MYO16: variants seen among roughly 807,000 people sequenced by gnomAD.
MYO16 encodes the protein myosin XVI.
Under a neutral mutation model 205.3 loss-of-function variants are expected in MYO16, and 94 were observed. That is an observed-to-expected ratio of 0.46 (90% CI 0.39 to 0.54). The LOEUF (loss-of-function observed/expected upper bound fraction) is 0.54. Ranked by LOEUF, MYO16 falls within the 20% of genes least tolerant of loss-of-function variation. The probability of loss-of-function intolerance (pLI) is 0.00; values close to 1 mark genes in which losing one functional copy is unlikely to be tolerated. For synonymous variants in MYO16, 988 were observed against 954.0 expected (o/e 1.04, Z -0.66); for missense variants, 2,315 against 2,387.5 (o/e 0.97, Z 0.63).
At chr13:109,024,566 A>G (rs969306370) in intron 23 of MYO16, among the ~76,000 whole-genome samples, 2 of 152,150 alleles carry the variant, frequency 1.3e-5, no homozygotes, top group African/African-American at 2.4e-5. Context: ...GTTTAAGTCA[A>G]TGTAATTATT....
chr13:108,714,211 AC>A (rs1238767198), intron 3 of MYO16, among the ~76,000 whole-genome samples: 2 of 151,966 alleles, frequency 1.3e-5, no homozygotes, highest in Admixed American at 1.3e-4. Flanking sequence ...ACCCGCCATC[AC>A]GCCCAGCGAA....
At chr13:108,826,889 G>C (rs1956412703) in intron 9 of MYO16, among the ~76,000 whole-genome samples, 1 of 152,116 alleles carries the variant, frequency 6.6e-6, no homozygotes, top group Non-Finnish European at 1.5e-5. Context: ...GTAAATCAGT[G>C]TTGGCAAGGA....
chr13:108,782,688 G>A (rs987189477), intron 4 of MYO16, among the ~76,000 whole-genome samples: 1 of 152,132 alleles, frequency 6.6e-6, no homozygotes, highest in Non-Finnish European at 1.5e-5. Flanking sequence ...CATGGGCCAG[G>A]CACAGGGTCC....
chr13:109,163,506 C>CCCTCCCTCCCA (rs1878492591), intron 32 of MYO16, among the ~76,000 whole-genome samples: 1 of 136,614 alleles, frequency 7.3e-6, no homozygotes, highest in South Asian at 2.7e-4. Context: ...CTCCTTCCCT[C>CCCTCCCTCCCA]CCTCCCTCCC....
At position 108,911,472 on chromosome 13, in the gene MYO16, A is replaced by G. The variant is rs919833834; in HGVS notation, c.1925+1322A>G. On this transcript the variant is annotated intron_variant, in intron 16 of 34. Coordinates refer to ENST00000457511, the MANE Select transcript of MYO16 (RefSeq NM_001198950.3). ...ACAGATCTGATGTGGTGTCCAAGGG[A>G]GATGGAAGTGTACAAGGGGCCTGAG... Among the ~76,000 whole-genome samples the G allele has an allele frequency of 2.0e-5, 3 of 152,062 alleles. No individual in the cohort carries two copies. The East Asian group carries it at 5.8e-4, about 29-fold the overall frequency.
intron 5 of MYO16, among the ~76,000 whole-genome samples, chr13:108,791,446 G>C (rs1886612514): frequency 1.3e-5 from 2 of 152,160 alleles, no homozygotes; most frequent in Non-Finnish European, 2.9e-5. Flanking sequence ...CTTACTGAAA[G>C]CTAAATACAT....
chr13:108,607,701 G>C (rs1429839428), intron 1 of MYO16, among the ~76,000 whole-genome samples: 2 of 152,118 alleles, frequency 1.3e-5, no homozygotes. Flanking sequence ...CAGACTCTTA[G>C]AGGGGTAGTG....
At chr13:108,951,259 C>G (rs1305591927) in intron 16 of MYO16, among the ~76,000 whole-genome samples, 1 of 152,188 alleles carries the variant, frequency 6.6e-6, no homozygotes, top group Non-Finnish European at 1.5e-5. Context: ...CTATTCCTTC[C>G]TTTTAGTTGC....
chr13:109,176,172 G>C (rs915427704), intron 33 of MYO16, among the ~76,000 whole-genome samples: 2 of 152,056 alleles, frequency 1.3e-5, no homozygotes, highest in Admixed American at 1.3e-4. Flanking sequence ...GTGTTATTTT[G>C]ATAGATAGAA....
chr13:108,644,633 G>A (rs1594170785), intron 1 of MYO16, among the ~76,000 whole-genome samples: 1 of 152,088 alleles, frequency 6.6e-6, no homozygotes, highest in East Asian at 1.9e-4. Context: ...TCTCTAAAAT[G>A]CATAGCATTT....
intron 10 of MYO16, among the ~76,000 whole-genome samples, chr13:108,855,017 C>A (rs566579295): frequency 6.6e-6 from 1 of 152,264 alleles, no homozygotes; most frequent in South Asian, 2.1e-4. Flanking sequence ...CCTTACCATG[C>A]CAACAATGGT....
intron 23 of MYO16, among the ~76,000 whole-genome samples, chr13:109,023,952 T>G (rs1417625846): frequency 7.0e-6 from 1 of 142,096 alleles, no homozygotes; most frequent in South Asian, 2.2e-4. Flanking sequence ...TATATGTATA[T>G]AAATATATAC....
intron 23 of MYO16, among the ~76,000 whole-genome samples, chr13:109,030,126 G>A (rs774803169): frequency 1.8e-4 from 26 of 146,348 alleles, no homozygotes; most frequent in Non-Finnish European, 3.6e-4. Flanking sequence ...AACCTTCTTT[G>A]TTAATTAGTA....
chr13:109,140,389 C>A lies in MYO16; in HGVS notation c.4177C>A (p.Pro1393Thr), dbSNP rs1266265472. ...CTACGAGGAGATATCGGGGTCCCGG[C>A]CCGGGGACGCGAGGCCCGCGGGCGC... ...GSYEEISGSR[P>T]GDARPAGAPG... is the part of the protein sequence containing the mutation. The change falls in exon 32 of 35, where the codon CCC (proline) becomes ACC (threonine). Residue 1393 changes from proline (P) to threonine (T), a missense_variant. Pro to Thr is a conservative substitution (Grantham distance 38). Transcript: ENST00000457511. This position sits in a 1 kb window ranked among gnomAD's most constrained non-coding sequence, Gnocchi z 8.0. The A allele has an allele frequency of 6.3e-7, 1 of 1,596,174 alleles. No homozygotes were observed. The highest frequency in any genetic ancestry group is 8.5e-7 in the Non-Finnish European group (1 of 1,176,378).
At chr13:108,627,890 T>C (rs1879806598), upstream of MYO16, among the ~76,000 whole-genome samples, 1 of 152,118 alleles carries the variant, frequency 6.6e-6, no homozygotes, top group Admixed American at 6.5e-5. Context: ...TTAAGGAAGG[T>C]ATATAGGCAA....
Position 108,607,626 on chromosome 13 carries a change from G to A in MYO16, c.-39+11387G>A, listed in dbSNP as rs562450198. ...TTATAAATTACCCAGTCTTGGGTATGTCTTCATAGCAGCAGGAAAATAAAC... is the reference window on the plus strand; with the variant it reads ...TTATAAATTACCCAGTCTTGGGTATATCTTCATAGCAGCAGGAAAATAAAC... On this transcript the variant is annotated intron_variant, in intron 1 of 24. Transcript: ENST00000251041. 3.3e-5 allele frequency among the ~76,000 whole-genome samples: 5 copies of A among 152,238 alleles called. No individual in the cohort carries two copies. In the East Asian group the frequency reaches 9.7e-4, roughly 29 times the overall value.
chr13:108,580,364 G>A, the MYO16 span, among the ~76,000 whole-genome samples: 1 of 152,118 alleles, frequency 6.6e-6, no homozygotes, highest in East Asian at 1.9e-4. Context: ...AATCATGCTA[G>A]GTTTTTCTCG....
rs560494504 is a variant in MYO16, at chr13:108,897,368, A to G, written c.1660-648A>G. ...CAGGGTTGGCCTGAGGAGCTTTATC[A>G]TAGCGTTGCAAAGCCACAAACTTGC... On this transcript the variant is annotated intron_variant, in intron 14 of 34. Coordinates refer to ENST00000457511, the MANE Select transcript of MYO16 (RefSeq NM_001198950.3). Among the ~76,000 whole-genome samples, 7 of 152,294 alleles carry G rather than the reference A, an allele frequency of 4.6e-5. No individual in the cohort carries two copies. In the South Asian group the frequency reaches 8.3e-4, roughly 18 times the overall value.
chr13:109,015,286 C>T (rs948946759), intron 22 of MYO16, among the ~76,000 whole-genome samples: 1 of 152,124 alleles, frequency 6.6e-6, no homozygotes, highest in Non-Finnish European at 1.5e-5. Flanking sequence ...GTATGTTGAA[C>T]CAGTCTTGCA....
Sources: gnomAD v4.1 joint callset for allele counts (sites outside exome capture counted in the v4.1 genomes callset) on GRCh38, gnomAD v4.1.1 for gene constraint, Gnocchi (gnomAD v3.1) non-coding constraint, MANE v1.5 for transcripts, NCBI Gene and HGNC (gene_info 2026-07-23, HGNC 2026-07-21) for gene names.